COL28A1: variants seen among roughly 807,000 people sequenced by gnomAD.
The protein encoded by COL28A1 is collagen type XXVIII alpha 1 chain.
Under a neutral mutation model 150.2 loss-of-function variants are expected in COL28A1, and 161 were observed. The observed-to-expected ratio is 1.07, with a 90% CI of 0.94 to 1.22. The LOEUF (loss-of-function observed/expected upper bound fraction) is 1.22, where lower values mean the gene tolerates loss of function less well. COL28A1 is among the 50% of genes most tolerant of loss of function. The probability of loss-of-function intolerance (pLI) is 0.00; values close to 1 mark genes in which losing one functional copy is unlikely to be tolerated. For synonymous variants in COL28A1, 552 were observed against 469.7 expected (o/e 1.18, Z -2.26); for missense variants, 1,617 against 1,388.3 (o/e 1.16, Z -2.62).
At chr7:7,372,579 C>T (rs1781294114) in intron 32 of COL28A1, among the ~76,000 whole-genome samples, 1 of 152,024 alleles carries the variant, frequency 6.6e-6, no homozygotes, top group East Asian at 1.9e-4. Context: ...ATGACCATAA[C>T]TTTTTTTTCA....
intron 11 of COL28A1, among the ~76,000 whole-genome samples, chr7:7,497,390 G>A (rs1163956638): frequency 6.6e-6 from 1 of 152,184 alleles, no homozygotes; most frequent in Non-Finnish European, 1.5e-5. Flanking sequence ...CCTCACCACA[G>A]CTCTAAGAAG....
intron 11 of COL28A1, among the ~76,000 whole-genome samples, chr7:7,496,972 A>T (rs554942262): frequency 1.4e-5 from 2 of 146,306 alleles, no homozygotes; most frequent in South Asian, 4.8e-4. Flanking sequence ...CAGTGAAGTG[A>T]TGACTGTATA....
rs770804573 is a variant in COL28A1 at position 7,521,928 on chromosome 7, CT to C, written c.735del (p.Asp246IlefsTer60). 3 of 1,159,892 alleles carry C rather than the reference CT, an allele frequency of 2.6e-6. No homozygotes were observed. In the African/African-American group the frequency reaches 4.5e-5, roughly 17 times the overall value. The allele number at this position is 1,159,892 out of a possible 1,614,324, so 71.9% of individuals were successfully genotyped here. A position where few individuals can be genotyped will look rare whatever the true frequency, so the allele number is the denominator to read the frequency against. On this transcript the variant is annotated frameshift_variant, in exon 5 of 35. Transcript: ENST00000399429. LOFTEE classifies it high-confidence loss of function. The stretch of plus-strand genomic sequence containing the variant: ...ACAGGAGGCCCTGGATCACCTGGAT[CT>C]CCCTTCTCACATTCACAAATCTTGC... ...CERKICECEK[G>X]DPGDPGPPGT...
rs776059681 is a variant in COL28A1 at position 7,381,528 on chromosome 7, A to G, written c.2205+16T>C. The G allele has an allele frequency of 6.2e-7, 1 of 1,603,788 alleles. No individual in the cohort carries two copies. Among genetic ancestry groups the G allele is most frequent in the East Asian group, 2.2e-5 (1 of 44,768 alleles). On this transcript the variant is annotated intron_variant, in intron 28 of 34. Transcript: ENST00000399429. ...TCCTAAGCCTAAGCATTTCTCTAAG[A>G]TCCTGAGACACTTACCTTCTGGCCT...
the COL28A1 span, among the ~76,000 whole-genome samples, chr7:7,342,788 A>G: frequency 6.6e-6 from 1 of 152,002 alleles, no homozygotes; most frequent in African/African-American, 2.4e-5. Flanking sequence ...GATTATTAAT[A>G]TTATTTGGGC....
intron 10 of COL28A1, 42 bp downstream of exon 10, chr7:7,507,075 G>A: frequency 3.3e-6 from 3 of 905,360 alleles, no homozygotes; most frequent in South Asian, 1.3e-5. Flanking sequence ...AACTCCCCAG[G>A]TGATTCTAAT....
chr7:7,406,492 G>C (rs568326110), intron 27 of COL28A1, among the ~76,000 whole-genome samples: 32 of 152,244 alleles, frequency 2.1e-4, no homozygotes, highest in Middle Eastern at 6.8e-3. Flanking sequence ...TTTTTACTTT[G>C]AGAAGGCAGA....
chr7:7,388,393 C>A (rs1778726453), intron 27 of COL28A1, among the ~76,000 whole-genome samples: 1 of 152,092 alleles, frequency 6.6e-6, no homozygotes, highest in Admixed American at 6.5e-5. Context: ...TGCCACTTTT[C>A]TTTATCCAGT....
rs369281457 is a variant in COL28A1, at chr7:7,373,561, T to C, written c.2360-15A>G. The C allele has an allele frequency of 6.9e-6, 11 of 1,594,708 alleles. No individual in the cohort carries two copies. The African/African-American group carries it at 9.4e-5, about 14-fold the overall frequency. On this transcript the variant is annotated splice_polypyrimidine_tract_variant and intron_variant, in intron 31 of 34. Coordinates refer to ENST00000399429, the MANE Select transcript of COL28A1 (RefSeq NM_001037763.3). The surrounding 1 kb of genome is among the most constrained non-coding windows in gnomAD (Gnocchi z 4.1). Reference sequence around the variant, plus strand: ...GGGCCCACAACCTAAAAGATGAATGTTGAGAGAGAAAAATTGTGGGAATGA... The same window carrying C: ...GGGCCCACAACCTAAAAGATGAATGCTGAGAGAGAAAAATTGTGGGAATGA...
chr7:7,361,191 A>G (rs1780634600), intron 33 of COL28A1, among the ~76,000 whole-genome samples: 2 of 152,220 alleles, frequency 1.3e-5, no homozygotes, highest in South Asian at 4.1e-4. Context: ...AATGTTTGAT[A>G]TCTAAAGAAC....
Position 7,472,485 on chromosome 7 carries a change from C to A in COL28A1, c.1302+2116G>T, listed in dbSNP as rs545545287. Among the ~76,000 whole-genome samples the A allele has an allele frequency of 2.7e-4, 41 of 151,884 alleles. No homozygotes were observed. In the South Asian group the frequency reaches 8.5e-3, roughly 32 times the overall value. On this transcript the variant is annotated intron_variant, in intron 15 of 34. Transcript: ENST00000399429. ...TAACCAAGGAGGCGAAGGACCTCTA[C>A]AGGGAAAACTACAAAACACTGCTGA...
Position 7,531,702 on chromosome 7 carries a change from A to C in COL28A1, c.327T>G (p.Ser109=). ...TAAATGTCTGCAGGTCCTTCCAGGA[A>C]GAAAAAGGTGGATCAATTTGGACAG... ...SSSVQIDPPF[S]SWKDLQTFKQ... Residue 109 remains serine, a synonymous_variant, in exon 3 of 35, where the codon TCT becomes TCG. Coordinates refer to ENST00000399429, the MANE Select transcript of COL28A1 (RefSeq NM_001037763.3). 6.2e-7 allele frequency: 1 copy of C among 1,600,386 alleles called. No homozygotes were observed. Among genetic ancestry groups the C allele is most frequent in the Non-Finnish European group, 8.6e-7 (1 of 1,167,466 alleles).
chr7:7,355,483 G>A (rs548966306), downstream of COL28A1, among the ~76,000 whole-genome samples: 13 of 151,970 alleles, frequency 8.6e-5, no homozygotes, highest in South Asian at 4.1e-4. Flanking sequence ...GGTGGCAGGC[G>A]GCTGTAGTCC....
chr7:7,344,926 TA>T, the COL28A1 span, among the ~76,000 whole-genome samples: 1 of 151,982 alleles, frequency 6.6e-6, no homozygotes, highest in Admixed American at 6.6e-5. Context: ...AAAATTGAGT[TA>T]TTACAGCGCA....
intron 8 of COL28A1, among the ~76,000 whole-genome samples, chr7:7,514,324 C>T (rs889173221): frequency 6.6e-6 from 1 of 152,180 alleles, no homozygotes; most frequent in African/African-American, 2.4e-5. Flanking sequence ...TTTTGGAATA[C>T]ATTGTCACGC....
rs775434871 is a variant in COL28A1, at chr7:7,380,737, C to T, written c.2287-42G>A. 17 of 1,612,826 alleles carry T rather than the reference C, an allele frequency of 1.1e-5. 1 individual carries two copies. The highest frequency in any genetic ancestry group is 1.3e-5 in the Non-Finnish European group (15 of 1,178,986). On this transcript the variant is annotated intron_variant, in intron 29 of 34. Coordinates refer to ENST00000399429, the MANE Select transcript of COL28A1 (RefSeq NM_001037763.3). Reference sequence around the variant, plus strand: ...GAGTAAAAGTCAATATAGGTTGGAACCAGTTAGAGTATAAAATCACAGTGA... The same window carrying T: ...GAGTAAAAGTCAATATAGGTTGGAATCAGTTAGAGTATAAAATCACAGTGA...
At chr7:7,415,539 T>A (rs1374360611) in intron 27 of COL28A1, among the ~76,000 whole-genome samples, 2 of 152,086 alleles carry the variant, frequency 1.3e-5, no homozygotes, top group East Asian at 3.9e-4. Flanking sequence ...TCTGGTTGTT[T>A]TGTTTGTTTT....
downstream of COL28A1, among the ~76,000 whole-genome samples, chr7:7,354,781 T>C (rs1225457975): frequency 6.6e-6 from 1 of 152,208 alleles, no homozygotes; most frequent in East Asian, 1.9e-4. Flanking sequence ...AAATATCTTG[T>C]GACCAAGAGT....
rs558062927 is a variant in COL28A1, at chr7:7,376,938, A to G, written c.2323-1441T>C. On this transcript the variant is annotated intron_variant, in intron 30 of 34. Transcript: ENST00000399429. ...TATATAAGAAAATCTGTTTTATTTT[A>G]GCCACACAATACTGGCTATTATTAT... Among the ~76,000 whole-genome samples the G allele has an allele frequency of 2.0e-5, 3 of 152,320 alleles. No homozygotes were observed. In the South Asian group the frequency reaches 6.2e-4, roughly 32 times the overall value.
Sources: gnomAD v4.1 joint callset for allele counts (sites outside exome capture counted in the v4.1 genomes callset) on GRCh38, gnomAD v4.1.1 for gene constraint, Gnocchi (gnomAD v3.1) non-coding constraint, MANE v1.5 for transcripts, NCBI Gene and HGNC (gene_info 2026-07-23, HGNC 2026-07-21) for gene names.